The following RNFT1 variants were observed in gnomAD, a reference collection of about 807,000 sequenced individuals.
RNFT1 encodes the protein ring finger protein, transmembrane 1.
In RNFT1, 35 loss-of-function variants were observed where a neutral mutation model predicts 53.2. That is an observed-to-expected ratio of 0.66 (90% CI 0.50 to 0.87). RNFT1 has a LOEUF of 0.87. RNFT1 is among the 40% of genes least tolerant of loss of function. The pLI, the probability that RNFT1 is intolerant of heterozygous loss-of-function variation, is 0.00. For synonymous variants in RNFT1, 141 were observed against 172.8 expected, an observed-to-expected ratio of 0.82 and a Z score of 1.44; for missense variants, 421 against 515.0, an observed-to-expected ratio of 0.82 and a Z score of 1.77.
chr17:59,955,740 G>A (rs994446279), intron 7 of RNFT1, among the ~76,000 whole-genome samples: 5 of 151,894 alleles, frequency 3.3e-5, no homozygotes, highest in African/African-American at 7.3e-5. Flanking sequence ...TTATTTTTAC[G>A]GTATATTATT....
chr17:59,952,941 A>C lies in RNFT1; in HGVS notation c.*36T>G, dbSNP rs373785398. ...TATCAGTAGTCATTATGACCAAATG[A>C]CATTAGTATTTTGTGGCCTTGATAG... On this transcript the variant is annotated 3_prime_UTR_variant, in exon 9 of 9. Transcript: ENST00000305783. 5.3e-5 allele frequency: 84 copies of C among 1,594,466 alleles called. No homozygotes were observed. The highest frequency in any genetic ancestry group is 7.1e-5 in the Non-Finnish European group (83 of 1,168,426).
chr17:59,963,087 G>T lies in RNFT1; in HGVS notation c.254C>A (p.Ser85Tyr), dbSNP rs765926024. ...ATTTTCTGCACATTCTTTAGGTATG[G>T]AGTTTATCTGGATATGAACATCTCC... ...HSGDVHIQIN[S>Y]IPKECAENAS... The change falls in exon 2 of 9, where the codon TCC becomes TAC. Residue 85 changes from serine (S) to tyrosine (Y), a missense_variant. Physicochemically the swap from Ser to Tyr is moderately radical, Grantham distance 144. Coordinates refer to ENST00000305783, the MANE Select transcript of RNFT1 (RefSeq NM_016125.4). 6.2e-7 allele frequency: 1 copy of T among 1,614,062 alleles called. No homozygotes were observed. Among genetic ancestry groups the T allele is most frequent in the East Asian group, 2.2e-5 (1 of 44,900 alleles).
Position 59,957,304 on chromosome 17 carries a change from G to T in RNFT1, c.925C>A (p.Leu309Ile). The stretch of plus-strand genomic sequence containing the variant: ...TTACCAAACTCCCCATAGCTTATAA[G>T]GTAGCGAAACCAAACTGGTATGGGA... Reference protein sequence around the residue: ...FVPIPVWFRYLISYGEFGNVT... With the variant: ...FVPIPVWFRYIISYGEFGNVT... The change falls in exon 6 of 9, where the codon CTT becomes ATT. Residue 309 changes from leucine to isoleucine, a missense_variant. Transcript: ENST00000305783. 6.2e-7 allele frequency: 1 copy of T among 1,613,892 alleles called. No individual in the cohort carries two copies. Among genetic ancestry groups the T allele is most frequent in the Non-Finnish European group, 8.5e-7 (1 of 1,179,940 alleles).
rs141254111 is a variant in RNFT1, at chr17:59,958,351, G to T, written c.786C>A (p.Phe262Leu). Residue 262 changes from phenylalanine (F) to leucine (L), a missense_variant, in exon 5 of 9, where the codon TTC (phenylalanine) becomes TTA (leucine). Coordinates refer to ENST00000305783, the MANE Select transcript of RNFT1 (RefSeq NM_016125.4). ...ATAAAATAAGGCATTTTAAGCCCAT[G>T]AAAAAGAATTTCAGAATGAAGTCTG... is the stretch of plus-strand genomic sequence containing the variant. ...GITDFILKFF[F>L]MGLKCLILLV... 1 of 1,605,618 alleles carries T rather than the reference G, an allele frequency of 6.2e-7. No homozygotes were observed. The highest frequency in any genetic ancestry group is 8.5e-7 in the Non-Finnish European group (1 of 1,178,030).
intron 7 of RNFT1, among the ~76,000 whole-genome samples, chr17:59,956,045 T>C (rs529745612): frequency 1.1e-4 from 16 of 152,148 alleles, no homozygotes; most frequent in Non-Finnish European, 2.1e-4. Context: ...GTAAGAAAAC[T>C]GCAAGAGACA....
chr17:59,959,839 G>C (rs1376648179), intron 4 of RNFT1: 2 of 246,806 alleles, frequency 8.1e-6, no homozygotes, highest in Non-Finnish European at 8.0e-6. Flanking sequence ...GAACCTGAGA[G>C]GCAAAGGTTG....
intron 3 of RNFT1, among the ~76,000 whole-genome samples, 163 bp from the exon 4 acceptor site, chr17:59,960,331 C>T (rs544259792): frequency 4.1e-5 from 6 of 147,692 alleles, no homozygotes; most frequent in African/African-American, 1.5e-4. Flanking sequence ...TTTTATACTA[C>T]TTTAGTGACC....
Position 59,953,052 on chromosome 17 carries a change from G to C in RNFT1, c.1233C>G (p.Leu411=). The change falls in exon 9 of 9, where the codon CTC becomes CTG. Residue 411 remains leucine, a synonymous_variant. Transcript: ENST00000305783. ...TATGGTCTGAAATCACAGTTCTGCA[G>C]AGTGGACATGTTTTCTCTCTGTTAA... is the stretch of plus-strand genomic sequence containing the variant. ...LWFNREKTCP[L]CRTVISDHIN... is the part of the protein sequence containing the mutation. 1.2e-6 allele frequency: 2 copies of C among 1,612,604 alleles called. No homozygotes were observed. The highest frequency in any genetic ancestry group is 1.7e-6 in the Non-Finnish European group (2 of 1,178,682).
intron 5 of RNFT1, among the ~76,000 whole-genome samples, chr17:59,957,974 GAAT>G (rs1403975482): frequency 6.6e-6 from 1 of 152,226 alleles, no homozygotes; most frequent in Non-Finnish European, 1.5e-5. Flanking sequence ...GGAAACCACT[GAAT>G]AATTGTACAT....
intron 4 of RNFT1, chr17:59,959,529 G>A (rs1282939218): frequency 6.6e-6 from 1 of 152,194 alleles, no homozygotes; most frequent in Non-Finnish European, 1.5e-5. Context: ...TACGAAATAT[G>A]TAAACAAAAA....
At chr17:59,957,428 C>T in intron 5 of RNFT1, 46 bp from the exon 6 acceptor site, 1 of 1,430,370 alleles carries the variant, frequency 7.0e-7, no homozygotes, top group Non-Finnish European at 9.6e-7. Flanking sequence ...AACTACTTAA[C>T]TACATAGCAC....
rs983035375 is a variant in RNFT1, at chr17:59,964,524, G to A, written c.56+84C>T. The A allele has an allele frequency of 1.2e-5, 16 of 1,293,396 alleles. No individual in the cohort carries two copies. The African/African-American group carries it at 1.8e-4, about 15-fold the overall frequency. 80.1% of individuals were successfully genotyped at this position (1,293,396 alleles called of 1,614,324 possible). A position where few individuals can be genotyped will look rare whatever the true frequency, so the allele number is the denominator to read the frequency against. On this transcript the variant is annotated intron_variant, in intron 1 of 8. Coordinates refer to ENST00000305783, the MANE Select transcript of RNFT1 (RefSeq NM_016125.4). ...GGCAGAGTTCTCCACCCACGTCCGA[G>A]CCTCGAGTGCCTATTCTCCCCAGAG...
chr17:59,953,667 G>T (rs766553782), intron 8 of RNFT1, among the ~76,000 whole-genome samples: 2 of 152,150 alleles, frequency 1.3e-5, no homozygotes, highest in Non-Finnish European at 2.9e-5. Context: ...ACACCTTTAA[G>T]ATTAAGTATG....
chr17:59,959,309 T>A (rs1330918788), intron 4 of RNFT1: 2 of 152,272 alleles, frequency 1.3e-5, no homozygotes, highest in Non-Finnish European at 2.9e-5. Context: ...CCAGTCCATC[T>A]GAGGGATACT....
chr17:59,954,889 A>C (rs1347800644), intron 7 of RNFT1, among the ~76,000 whole-genome samples: 4 of 152,220 alleles, frequency 2.6e-5, no homozygotes, highest in Admixed American at 6.5e-5. Context: ...TTCTCTTCTA[A>C]TGTCCTAATA....
At chr17:59,961,633 G>A (rs1228549056) in intron 3 of RNFT1, among the ~76,000 whole-genome samples, 1 of 151,782 alleles carries the variant, frequency 6.6e-6, no homozygotes, top group Non-Finnish European at 1.5e-5. Flanking sequence ...CTGGAGTGCA[G>A]TGGCACAATC....
intron 6 of RNFT1, 51 bp downstream of exon 6, chr17:59,957,173 A>G: frequency 6.5e-7 from 1 of 1,535,846 alleles, no homozygotes; most frequent in Non-Finnish European, 8.9e-7. Flanking sequence ...AGTATGTATC[A>G]GTAATCATTA....
At chr17:59,957,674 G>A (rs760696537) in intron 5 of RNFT1, among the ~76,000 whole-genome samples, 18 of 151,884 alleles carry the variant, frequency 1.2e-4, no homozygotes, top group African/African-American at 1.9e-4. Flanking sequence ...GTGAAACCCC[G>A]TCTCTACTAA....
chr17:59,954,693 TGAA>T (rs2045243100), intron 7 of RNFT1, among the ~76,000 whole-genome samples: 1 of 152,200 alleles, frequency 6.6e-6, no homozygotes, highest in Non-Finnish European at 1.5e-5. Flanking sequence ...GAGTGCAATA[TGAA>T]GAAGACTTAG....
Sources: gnomAD v4.1 joint callset for allele counts (sites outside exome capture counted in the v4.1 genomes callset) on GRCh38, gnomAD v4.1.1 for gene constraint, MANE v1.5 for transcripts, NCBI Gene and HGNC (gene_info 2026-07-23, HGNC 2026-07-21) for gene names.